The following MSRA variants were observed in gnomAD, a reference collection of about 807,000 sequenced individuals.
MSRA encodes the protein mitochondrial peptide methionine sulfoxide reductase.
MSRA carries 54 observed loss-of-function variants against 31.3 expected under a neutral mutation model. That is an observed-to-expected ratio of 1.73 (90% CI 1.39 to 2.17). MSRA has a LOEUF of 2.17. Ranked by LOEUF, MSRA falls within the 30% of genes most tolerant of loss-of-function variation. The probability of loss-of-function intolerance (pLI) is 0.00; values close to 1 mark genes in which losing one functional copy is unlikely to be tolerated. For missense variants in MSRA, 507 were observed against 300.9 expected, an observed-to-expected ratio of 1.69 and a Z score of -5.07; for synonymous variants, 169 against 116.5, an observed-to-expected ratio of 1.45 and a Z score of -2.90.
intron 1 of MSRA, among the ~76,000 whole-genome samples, chr8:10,154,316 C>T (rs1221384791): frequency 1.3e-5 from 2 of 151,936 alleles, no homozygotes; most frequent in East Asian, 1.9e-4. Flanking sequence ...GCACCCAAAT[C>T]GGCTTCACTG....
chr8:10,264,422 C>T (rs1335718631), intron 3 of MSRA, among the ~76,000 whole-genome samples: 1 of 152,234 alleles, frequency 6.6e-6, no homozygotes, highest in African/African-American at 2.4e-5. Flanking sequence ...TAGGTCTTTT[C>T]AGAAGTTTAG....
intron 1 of MSRA, among the ~76,000 whole-genome samples, chr8:10,090,125 T>A (rs902150719): frequency 1.3e-5 from 2 of 152,010 alleles, no homozygotes; most frequent in Non-Finnish European, 2.9e-5. Flanking sequence ...GCAAAATGAG[T>A]CCTGGGAAGC....
At chr8:10,190,569 G>C (rs543134544) in intron 1 of MSRA, among the ~76,000 whole-genome samples, 62 of 152,336 alleles carry the variant, frequency 4.1e-4, no homozygotes, top group African/African-American at 1.4e-3. Flanking sequence ...CAAGACATCT[G>C]AGTCCTTTCA....
At chr8:10,102,354 A>C (rs73528930) in intron 1 of MSRA, among the ~76,000 whole-genome samples, 2 of 152,132 alleles carry the variant, frequency 1.3e-5, no homozygotes, top group East Asian at 3.8e-4. Context: ...TTCAGATTGC[A>C]TAATTTCTAT....
intron 1 of MSRA, among the ~76,000 whole-genome samples, chr8:10,207,381 C>T (rs935703954): frequency 6.6e-6 from 1 of 152,154 alleles, no homozygotes; most frequent in Non-Finnish European, 1.5e-5. Flanking sequence ...AAAATTGCTC[C>T]CAATGGAACC....
At chr8:10,236,611 C>T (rs1484159185) in intron 2 of MSRA, among the ~76,000 whole-genome samples, 1 of 152,218 alleles carries the variant, frequency 6.6e-6, no homozygotes, top group African/African-American at 2.4e-5. Flanking sequence ...GTGGTGGAAT[C>T]TCAGCTCGCT....
chr8:10,364,079 A>G (rs1287203142), intron 5 of MSRA, among the ~76,000 whole-genome samples: 1 of 152,180 alleles, frequency 6.6e-6, no homozygotes, highest in Non-Finnish European at 1.5e-5. Flanking sequence ...TTAAACGATT[A>G]TTTAAAAACC....
intron 3 of MSRA, among the ~76,000 whole-genome samples, chr8:10,286,162 A>T (rs769959163): frequency 6.6e-6 from 1 of 152,042 alleles, no homozygotes; most frequent in Non-Finnish European, 1.5e-5. Context: ...GGTGCTCGTC[A>T]TTTTCAACAT....
chr8:10,108,964 G>C (rs897417149), intron 1 of MSRA, among the ~76,000 whole-genome samples: 4 of 152,194 alleles, frequency 2.6e-5, no homozygotes, highest in Admixed American at 2.6e-4. Flanking sequence ...GCCTCTGATG[G>C]ATTTCCTCCC....
At chr8:10,148,057 C>T (rs548318742) in intron 1 of MSRA, among the ~76,000 whole-genome samples, 60 of 152,328 alleles carry the variant, frequency 3.9e-4, no homozygotes, top group Middle Eastern at 3.4e-3. Flanking sequence ...GTGGGGCTGA[C>T]GTGAGACCCC....
chr8:10,177,694 C>A lies in MSRA; in HGVS notation c.143-30139C>A, dbSNP rs578124240. The stretch of plus-strand genomic sequence containing the variant: ...TGATCACAAAGTTCTCAGCTTACAT[C>A]TGGTTATTTGTTGGCGTTTTATTTA... On this transcript the variant is annotated intron_variant, in intron 1 of 5. Coordinates refer to ENST00000317173, the MANE Select transcript of MSRA (RefSeq NM_012331.5). 8.7e-4 allele frequency among the ~76,000 whole-genome samples: 133 copies of A among 152,284 alleles called. 1 individual carries two copies. The South Asian group carries it at 0.018, about 21-fold the overall frequency.
rs115016268 is a variant in MSRA, at chr8:10,332,852, A to G, written c.543+12863A>G. Among the ~76,000 whole-genome samples, 342 of 152,352 alleles carry G rather than the reference A, an allele frequency of 2.2e-3. 2 individuals are homozygous for G. The highest frequency in any genetic ancestry group is 5.8e-3 in the African/African-American group (243 of 41,570). On this transcript the variant is annotated intron_variant, in intron 5 of 5. Transcript: ENST00000317173. ...GGGCTTTACATATTAAACTGTGTGC[A>G]TCCGCATTTGGGCCAAATGGAAAAT...
chr8:10,124,187 C>G (rs966724520), intron 1 of MSRA, among the ~76,000 whole-genome samples: 1 of 152,090 alleles, frequency 6.6e-6, no homozygotes, highest in African/African-American at 2.4e-5. Context: ...GACATTGAGA[C>G]CACCCCAAAC....
intron 1 of MSRA, among the ~76,000 whole-genome samples, chr8:10,126,792 G>T (rs1563126279): frequency 6.6e-6 from 1 of 152,216 alleles, no homozygotes; most frequent in Admixed American, 6.5e-5. Context: ...GGGATTACAG[G>T]CATGAGCCAC....
At chr8:10,417,419 G>GACACACACACACACACACACACACAC (rs1184991397) in intron 5 of MSRA, among the ~76,000 whole-genome samples, 52 of 145,486 alleles carry the variant, frequency 3.6e-4, no homozygotes, top group African/African-American at 1.2e-3. Context: ...TTCGTCAGAA[G>GACACACACACACACACACACACACAC]ACACACACAC....
chr8:10,142,456 C>A (rs1294407164), intron 1 of MSRA, among the ~76,000 whole-genome samples: 1 of 152,176 alleles, frequency 6.6e-6, no homozygotes, highest in African/African-American at 2.4e-5. Context: ...GGCTGCACTG[C>A]CCTTCAGTGG....
intron 3 of MSRA, among the ~76,000 whole-genome samples, chr8:10,295,543 C>A (rs771626527): frequency 2.0e-5 from 3 of 152,212 alleles, no homozygotes; most frequent in African/African-American, 7.2e-5. Context: ...TTGGTTCTGA[C>A]GGCTCTGCTC....
chr8:10,241,881 A>C (rs1425062022), intron 2 of MSRA, among the ~76,000 whole-genome samples: 1 of 152,252 alleles, frequency 6.6e-6, no homozygotes, highest in East Asian at 1.9e-4. Context: ...CACAGTCCTC[A>C]GAATCCACAG....
intron 5 of MSRA, among the ~76,000 whole-genome samples, chr8:10,392,516 C>T (rs1806810325): frequency 6.6e-6 from 1 of 152,160 alleles, no homozygotes; most frequent in South Asian, 2.1e-4. Context: ...TTCTCCCCTT[C>T]CTCTGTCTCT....
Sources: gnomAD v4.1 joint callset for allele counts (sites outside exome capture counted in the v4.1 genomes callset) on GRCh38, gnomAD v4.1.1 for gene constraint, MANE v1.5 for transcripts, NCBI Gene and HGNC (gene_info 2026-07-23, HGNC 2026-07-21) for gene names.